RARS2: variants seen among roughly 807,000 people sequenced by gnomAD.
RARS2 encodes the protein arginyl-tRNA synthetase 2, mitochondrial.
A neutral mutation model predicts 88.5 loss-of-function variants in RARS2; 67 were observed. The observed-to-expected ratio is 0.76, with a 90% CI of 0.62 to 0.93. The LOEUF (loss-of-function observed/expected upper bound fraction) is 0.93, where lower values mean the gene tolerates loss of function less well. RARS2 is among the 40% of genes least tolerant of loss of function. The pLI is 0.00. For missense variants in RARS2, 664 were observed against 684.2 expected (o/e 0.97, Z 0.33); for synonymous variants, 239 against 230.3 (o/e 1.04, Z -0.34).
chr6:87,574,128 C>T (rs1770669879), intron 1 of RARS2, among the ~76,000 whole-genome samples: 1 of 152,160 alleles, frequency 6.6e-6, no homozygotes, highest in African/African-American at 2.4e-5. Flanking sequence ...CAGCACTTTC[C>T]AGCAAAAGTA....
chr6:87,563,756 C>T (rs937270270), intron 3 of RARS2, among the ~76,000 whole-genome samples: 4 of 152,222 alleles, frequency 2.6e-5, no homozygotes, highest in African/African-American at 9.6e-5. Context: ...CATTTCTTCT[C>T]ATATTTCAAT....
At chr6:87,535,863 T>A (rs1235953961) in intron 8 of RARS2, among the ~76,000 whole-genome samples, 1 of 151,596 alleles carries the variant, frequency 6.6e-6, no homozygotes, top group Non-Finnish European at 1.5e-5. Context: ...TTTTTTTTTT[T>A]AAGTAGAGAT....
intron 19 of RARS2, 37 bp downstream of exon 19, chr6:87,514,920 G>GC: frequency 6.6e-7 from 1 of 1,520,446 alleles, no homozygotes; most frequent in Non-Finnish European, 9.1e-7. Flanking sequence ...AGTCTCAGGA[G>GC]CTAGGGATTA....
intron 1 of RARS2, among the ~76,000 whole-genome samples, chr6:87,579,874 A>G (rs535065913): frequency 5.7e-4 from 86 of 151,798 alleles, no homozygotes; most frequent in African/African-American, 1.8e-3. Flanking sequence ...CTACAGCCTC[A>G]GCCTGGGATT....
intron 11 of RARS2, among the ~76,000 whole-genome samples, chr6:87,523,498 A>G (rs1430037187): frequency 6.6e-6 from 1 of 152,232 alleles, no homozygotes; most frequent in African/African-American, 2.4e-5. Flanking sequence ...AAGTGGCAAA[A>G]AGACAATTAT....
intron 18 of RARS2, among the ~76,000 whole-genome samples, chr6:87,515,580 A>C (rs987696133): frequency 6.6e-6 from 1 of 152,152 alleles, no homozygotes; most frequent in Non-Finnish European, 1.5e-5. Flanking sequence ...ATCCTTTTCT[A>C]ATCATTTTTC....
intron 1 of RARS2, among the ~76,000 whole-genome samples, chr6:87,573,176 C>A (rs1285151175): frequency 6.6e-6 from 1 of 152,086 alleles, no homozygotes; most frequent in East Asian, 1.9e-4. Context: ...TATGGGGAGG[C>A]CTCAGAAAAC....
chr6:87,558,133 C>T lies in RARS2; in HGVS notation c.298-2628G>A, dbSNP rs139779762. On this transcript the variant is annotated intron_variant, in intron 4 of 19. Coordinates refer to ENST00000369536, the MANE Select transcript of RARS2 (RefSeq NM_020320.5). The stretch of plus-strand genomic sequence containing the variant: ...TGGAGGTTGCAATGAGCCAAGATCA[C>T]GCCATTGCACTCCAGCATGGGCAAC... Among the ~76,000 whole-genome samples the T allele has an allele frequency of 1.4e-3, 208 of 151,460 alleles. 2 individuals carry two copies. In the East Asian group the frequency reaches 0.035, roughly 25 times the overall value.
intron 9 of RARS2, among the ~76,000 whole-genome samples, chr6:87,530,329 T>C (rs2295085): frequency 0.29 from 43,378 of 152,086 alleles, 6,873 homozygotes; most frequent in African/African-American, 0.43. Context: ...CTAGAACCAC[T>C]TAATAAAAAC....
intron 5 of RARS2, 145 bp from the exon 6 acceptor site, chr6:87,548,791 A>G (rs1397889342): frequency 1.2e-5 from 9 of 734,510 alleles, no homozygotes; most frequent in Non-Finnish European, 2.0e-5. Context: ...AAAAATTTAG[A>G]GCAAAGATAA....
rs534082692 is a variant in RARS2 at position 87,555,470 on chromosome 6, T to C, written c.333A>G (p.Lys111=). ...AGAAAAGTTCACTTTTTAATCCATA[T>C]TTTGAGCCATCTTCAATTACTTGTT... ...VLQQVIEDGS[K]YGLKSELFSG... Residue 111 remains lysine, a synonymous_variant, in exon 5 of 20, where the codon AAA becomes AAG. Transcript: ENST00000369536. 5 of 1,613,854 alleles carry C rather than the reference T, an allele frequency of 3.1e-6. No homozygotes were observed. In the Admixed American group the frequency reaches 8.3e-5, roughly 27 times the overall value.
intron 10 of RARS2, among the ~76,000 whole-genome samples, chr6:87,528,873 A>G (rs1582381364): frequency 6.6e-6 from 1 of 152,310 alleles, no homozygotes; most frequent in East Asian, 1.9e-4. Context: ...TAGATTTTAA[A>G]TGTTCTCATC....
Position 87,576,765 on chromosome 6 carries a change from A to T in RARS2, c.37-7175T>A, listed in dbSNP as rs76763970. On this transcript the variant is annotated intron_variant, in intron 1 of 19. Coordinates refer to ENST00000369536, the MANE Select transcript of RARS2 (RefSeq NM_020320.5). ...TAAAAAAGAGAAACTGAATCTACAT[A>T]TCAAGATAAATTATATCAAGAAAAT... 5.8e-4 allele frequency among the ~76,000 whole-genome samples: 89 copies of T among 152,354 alleles called. 1 individual carries two copies. Among genetic ancestry groups the T allele is most frequent in the African/African-American group, 2.1e-3 (87 of 41,586 alleles).
intron 16 of RARS2, 115 bp from the exon 17 acceptor site, chr6:87,518,379 C>A: frequency 6.4e-7 from 1 of 1,564,600 alleles, no homozygotes; most frequent in East Asian, 2.3e-5. Flanking sequence ...CCTTAATATC[C>A]ATACACAGTG....
At chr6:87,571,934 C>T (rs1206432949) in intron 1 of RARS2, among the ~76,000 whole-genome samples, 2 of 152,184 alleles carry the variant, frequency 1.3e-5, no homozygotes, top group African/African-American at 4.8e-5. Context: ...AAGTAAATTA[C>T]TGTATTCCTT....
chr6:87,552,855 G>A (rs148671796), intron 5 of RARS2, among the ~76,000 whole-genome samples: 11 of 152,246 alleles, frequency 7.2e-5, no homozygotes, highest in African/African-American at 2.4e-4. Flanking sequence ...TACGGTAACA[G>A]GTAATATATT....
chr6:87,516,162 AGCT>A (rs10536826), intron 18 of RARS2, among the ~76,000 whole-genome samples: 9,661 of 152,248 alleles, frequency 0.063, 386 homozygotes, highest in African/African-American at 0.12. Flanking sequence ...CAGAAGATAC[AGCT>A]GCTGCTGCTA....
chr6:87,515,292 C>T (rs1771209467), intron 18 of RARS2, among the ~76,000 whole-genome samples: 2 of 152,082 alleles, frequency 1.3e-5, no homozygotes, highest in Admixed American at 6.5e-5. Context: ...GAGGCCGAGG[C>T]GGGTGGATCA....
In RARS2 at chr6:87,518,871, G is replaced by A. The variant is rs1272786475; in HGVS notation, c.1258C>T (p.Pro420Ser). ...CCGACCCTCTCTGCAGTCTCTTGTG[G>A]GTTCTTGAGTTCTTTAGTTGCTGAA... ...SIKTTKELKN[P>S]QETAERVGLA... The change falls in exon 15 of 20, where the codon CCA becomes TCA. Residue 420 changes from proline to serine, a missense_variant. Pro to Ser is a moderately conservative substitution (Grantham distance 74). Transcript: ENST00000369536. 2 of 1,613,828 alleles carry A rather than the reference G, an allele frequency of 1.2e-6. No homozygotes were observed. The highest frequency in any genetic ancestry group is 1.7e-5 in the Admixed American group (1 of 59,970).
Sources: allele counts gnomAD v4.1 joint callset (sites outside exome capture counted in the v4.1 genomes callset), GRCh38; gene constraint gnomAD v4.1.1; transcripts MANE v1.5; gene names NCBI Gene and HGNC (gene_info 2026-07-23, HGNC 2026-07-21).